TTC21A: variants seen among roughly 807,000 people sequenced by gnomAD.
TTC21A encodes tetratricopeptide repeat protein 21A.
TTC21A carries 128 observed loss-of-function variants against 156.4 expected under a neutral mutation model. The ratio of observed to expected loss-of-function variants is 0.82; its 90% CI spans 0.71 to 0.95. The LOEUF (loss-of-function observed/expected upper bound fraction) is 0.95. TTC21A is among the 40% of genes least tolerant of loss of function. The pLI is 0.00. For missense variants in TTC21A, 1,435 were observed against 1,602.3 expected, an observed-to-expected ratio of 0.90 and a Z score of 1.78; for synonymous variants, 587 against 617.1, an observed-to-expected ratio of 0.95 and a Z score of 0.72.
Position 39,136,342 on chromosome 3 carries a change from T to C in TTC21A, c.2945-15T>C, listed in dbSNP as rs752026424. 15 of 1,607,216 alleles carry C rather than the reference T, an allele frequency of 9.3e-6. No homozygotes were observed. The highest frequency in any genetic ancestry group is 1.3e-5 in the Non-Finnish European group (15 of 1,175,768). On this transcript the variant is annotated splice_polypyrimidine_tract_variant and intron_variant, in intron 22 of 28. Transcript: ENST00000683103. ...CTGGGCATTTCAGCCTGGAGATTTC[T>C]GTCTCTTATTTTAGACAATTTTTTG...
In TTC21A at chr3:39,133,193, G is replaced by GT. The variant is rs931121886; in HGVS notation, c.2705dup (p.Gln903ThrfsTer4). On this transcript the variant is annotated frameshift_variant, in exon 20 of 29. Coordinates refer to ENST00000683103, the MANE Select transcript of TTC21A (RefSeq NM_001366900.1). LOFTEE classifies it high-confidence loss of function. ...GGCAGAGAAAGAGTATGACAAGGCG[G>GT]TACAGTCTTATAAGGATGTCTTCTC... The GT allele has an allele frequency of 3.7e-6, 6 of 1,614,100 alleles. No individual in the cohort carries two copies. In the Admixed American group the frequency reaches 5.0e-5, roughly 13 times the overall value.
chr3:39,123,797 G>T (rs1242919201), intron 9 of TTC21A, among the ~76,000 whole-genome samples: 1 of 151,486 alleles, frequency 6.6e-6, no homozygotes, highest in Non-Finnish European at 1.5e-5. Context: ...CAAACTAATA[G>T]AAAACACTTG....
In TTC21A at chr3:39,130,896, T is replaced by C; in HGVS notation, c.2458+57T>C. 4 of 1,610,490 alleles carry C rather than the reference T, an allele frequency of 2.5e-6. No homozygotes were observed. The highest frequency in any genetic ancestry group is 3.4e-6 in the Non-Finnish European group (4 of 1,177,268). ...TTGGAGCAGACATACTCCTCCCCCATTCCCCATTAGCTGAAGTCCTGATCC... is the reference window on the plus strand; with the variant it reads ...TTGGAGCAGACATACTCCTCCCCCACTCCCCATTAGCTGAAGTCCTGATCC... On this transcript the variant is annotated intron_variant, in intron 18 of 28. Transcript: ENST00000683103. The surrounding 1 kb of genome is among the most constrained non-coding windows in gnomAD (Gnocchi z 4.5).
chr3:39,123,747 A>G (rs1211552921), intron 9 of TTC21A, among the ~76,000 whole-genome samples: 2 of 152,190 alleles, frequency 1.3e-5, no homozygotes, highest in Non-Finnish European at 2.9e-5. Context: ...TAAAATTACT[A>G]CATGACAAGG....
rs1196965585 is a variant in TTC21A, at chr3:39,109,172, C to G, written c.115C>G (p.Pro39Ala). ...AVGLEKFSND[P>A]VLKFFKAYGV... ...GGGCCTGGAAAAATTCAGCAATGAC[C>G]CTGTGTTGAAGTTCTTTAAAGCCTA... The change falls in exon 2 of 29, where the codon CCT (proline) becomes GCT (alanine). Residue 39 changes from proline (P) to alanine (A), a missense_variant. Transcript: ENST00000683103. 2 of 1,614,104 alleles carry G rather than the reference C, an allele frequency of 1.2e-6. No homozygotes were observed. Among genetic ancestry groups the G allele is most frequent in the Non-Finnish European group, 1.7e-6 (2 of 1,179,972 alleles).
Position 39,109,938 on chromosome 3 carries a change from G to T in TTC21A, c.158-91G>T, listed in dbSNP as rs143265995. 1.5e-3 allele frequency: 1,318 copies of T among 871,308 alleles called. 12 individuals carry two copies. In the African/African-American group the frequency reaches 0.019, roughly 13 times the overall value. 54.0% of individuals were successfully genotyped at this position (871,308 alleles called of 1,614,324 possible). A position where few individuals can be genotyped will look rare whatever the true frequency, so the allele number is the denominator to read the frequency against. ...CCTTTCAGACCAGTTAGTCCAGCAG[G>T]TAGTAGTGCTGAGCTGTTGGGTCAG... On this transcript the variant is annotated intron_variant, in intron 2 of 28. Transcript: ENST00000683103.
intron 4 of TTC21A, 25 bp from the exon 5 acceptor site, chr3:39,112,433 A>G (rs2036914144): frequency 6.2e-7 from 1 of 1,613,572 alleles, no homozygotes; most frequent in South Asian, 1.1e-5. Context: ...CAAGGACTTC[A>G]TCTTTCATCT....
chr3:39,120,923 C>A, intron 8 of TTC21A, 74 bp from the exon 9 acceptor site: 2 of 1,357,320 alleles, frequency 1.5e-6, no homozygotes, highest in South Asian at 2.8e-5. Flanking sequence ...AAGTGTCCCC[C>A]GTTTCTGACA....
intron 26 of TTC21A, chr3:39,137,916 G>T: frequency 1.6e-6 from 1 of 631,432 alleles, no homozygotes; most frequent in Non-Finnish European, 2.8e-6. Context: ...GTGCACAGGG[G>T]TCGTGTTATG....
At position 39,112,497 on chromosome 3, in the gene TTC21A, A is replaced by C. The variant is rs767283789; in HGVS notation, c.475A>C (p.Lys159Gln). The change falls in exon 5 of 29, where the codon AAG (lysine) becomes CAG (glutamine). Residue 159 changes from lysine to glutamine, a missense_variant. Lys to Gln is a moderately conservative substitution (Grantham distance 53, BLOSUM62 1). Coordinates refer to ENST00000683103, the MANE Select transcript of TTC21A (RefSeq NM_001366900.1). Reference protein sequence around the residue: ...LRGWVDLTSDKPHTAKKAIEY... With the variant: ...LRGWVDLTSDQPHTAKKAIEY... ...AGGCTGGGTGGACCTGACCTCAGAC[A>C]AGCCCCACACTGCGAAGAAAGCCAT... 5 of 1,614,066 alleles carry C rather than the reference A, an allele frequency of 3.1e-6. No homozygotes were observed. Among genetic ancestry groups the C allele is most frequent in the Non-Finnish European group, 4.2e-6 (5 of 1,180,044 alleles).
In TTC21A at chr3:39,121,019, T is replaced by C; in HGVS notation, c.923T>C (p.Leu308Pro). 2 of 1,610,826 alleles carry C rather than the reference T, an allele frequency of 1.2e-6. No individual in the cohort carries two copies. Among genetic ancestry groups the C allele is most frequent in the Non-Finnish European group, 1.7e-6 (2 of 1,178,086 alleles). ...CAGTGTGGGAGTCACCAGGTGATTC[T>C]AGGGCTAGTGTGTAGTTTCATCGAG... is the stretch of plus-strand genomic sequence containing the variant. The part of the protein sequence containing the change: ...SRLCGSHQVI[L>P]GLVCSFIERT... Residue 308 changes from leucine (L) to proline (P), a missense_variant, in exon 9 of 29, where the codon CTA becomes CCA. By Grantham distance (98) the Leu-to-Pro change is moderately conservative. Transcript: ENST00000683103.
chr3:39,133,179 A>C lies in TTC21A; in HGVS notation c.2690A>C (p.Glu897Ala). 1 of 1,614,262 alleles carries C rather than the reference A, an allele frequency of 6.2e-7. No homozygotes were observed. The highest frequency in any genetic ancestry group is 8.5e-7 in the Non-Finnish European group (1 of 1,180,054). Residue 897 changes from glutamate to alanine, a missense_variant, in exon 20 of 29, where the codon GAG (glutamate) becomes GCG (alanine). Glu to Ala is a moderately radical substitution (Grantham distance 107). Transcript: ENST00000683103. ...QFAEHYLAEK[E>A]YDKAVQSYKD... ...GCAGAGCACTACCTGGCAGAGAAAG[A>C]GTATGACAAGGCGGTACAGTCTTAT...
At chr3:39,129,367 G>C in intron 15 of TTC21A, 57 bp downstream of exon 15, 7 of 1,305,346 alleles carry the variant, frequency 5.4e-6, no homozygotes, top group Non-Finnish European at 7.7e-6. Context: ...CTTAGGGAGT[G>C]TTTCCTTCAG....
Position 39,120,798 on chromosome 3 carries a change from G to T in TTC21A, c.901-199G>T, listed in dbSNP as rs181828574. ...CAGAGGACCCTGTGGCTAGAGGCAG[G>T]TTCCACAGTTGTGGCCAGTGAGAGG... On this transcript the variant is annotated intron_variant, in intron 8 of 28. Coordinates refer to ENST00000683103, the MANE Select transcript of TTC21A (RefSeq NM_001366900.1). 4.9e-3 allele frequency among the ~76,000 whole-genome samples: 750 copies of T among 152,332 alleles called. 2 individuals are homozygous for T. The highest frequency in any genetic ancestry group is 7.5e-3 in the Non-Finnish European group (508 of 68,034).
At chr3:39,124,658 C>CA (rs60845030) in intron 9 of TTC21A, among the ~76,000 whole-genome samples, 3,969 of 71,078 alleles carry the variant, frequency 0.056, 382 homozygotes, top group African/African-American at 0.15. Flanking sequence ...AACTCCGTCT[C>CA]AAAAAAAAAA....
In TTC21A at chr3:39,134,792, T is replaced by G; in HGVS notation, c.2863-301T>G. 3.8e-6 allele frequency: 2 copies of G among 529,078 alleles called. No homozygotes were observed. Among genetic ancestry groups the G allele is most frequent in the South Asian group, 4.5e-5 (2 of 44,240 alleles). 32.8% of individuals were successfully genotyped at this position (529,078 alleles called of 1,614,324 possible). A position where few individuals can be genotyped will look rare whatever the true frequency, so the allele number is the denominator to read the frequency against. ...AGTTCTCAGAATGGGTGGAGAGGCT[T>G]CCCCTGTAGGCTGTCAAAAAGCCCC... On this transcript the variant is annotated intron_variant, in intron 21 of 28. Coordinates refer to ENST00000683103, the MANE Select transcript of TTC21A (RefSeq NM_001366900.1). The surrounding 1 kb of genome is among the most constrained non-coding windows in gnomAD (Gnocchi z 4.6).
Position 39,115,667 on chromosome 3 carries a change from G to A in TTC21A, c.716+925G>A, listed in dbSNP as rs11129815. Among the ~76,000 whole-genome samples, 1,267 of 151,830 alleles carry A rather than the reference G, an allele frequency of 8.3e-3. 23 individuals carry two copies. Among genetic ancestry groups the A allele is most frequent in the African/African-American group, 0.029 (1,189 of 41,424 alleles). On this transcript the variant is annotated intron_variant, in intron 6 of 28. Coordinates refer to ENST00000683103, the MANE Select transcript of TTC21A (RefSeq NM_001366900.1). ...GGGTGACAGAATGAGACCCTGTCTC[G>A]AAAAAAATAAATAAATAAAACAAAA...
intron 23 of TTC21A, 27 bp downstream of exon 23, chr3:39,136,534 G>A: frequency 5.6e-6 from 9 of 1,608,112 alleles, no homozygotes; most frequent in Non-Finnish European, 7.7e-6. Context: ...GTGTTGAGGG[G>A]CAGCTGTGTG....
Position 39,128,883 on chromosome 3 carries a change from C to T in TTC21A, c.1847C>T (p.Ala616Val), listed in dbSNP as rs768735661. ...LRPSVQPSQR[A>V]SILLELVEAL... ...CCCTCTGTGCAGCCTAGCCAGCGGG[C>T]ATCCATCTTATTGGAACTGGTGGAG... Residue 616 changes from alanine (A) to valine (V), a missense_variant, in exon 14 of 29, where the codon GCA becomes GTA. By Grantham distance (64) the Ala-to-Val change is moderately conservative. Transcript: ENST00000683103. 4 of 1,614,202 alleles carry T rather than the reference C, an allele frequency of 2.5e-6. No homozygotes were observed. The highest frequency in any genetic ancestry group is 3.4e-6 in the Non-Finnish European group (4 of 1,180,040).
Sources: gnomAD v4.1 joint callset for allele counts (sites outside exome capture counted in the v4.1 genomes callset) on GRCh38, gnomAD v4.1.1 for gene constraint, Gnocchi (gnomAD v3.1) non-coding constraint, MANE v1.5 for transcripts, NCBI Gene and HGNC (gene_info 2026-07-23, HGNC 2026-07-21) for gene names.